TENM2: variants seen among roughly 807,000 people sequenced by gnomAD.
TENM2 encodes teneurin-2.
A neutral mutation model predicts 245.2 loss-of-function variants in TENM2; 52 were observed. That is an observed-to-expected ratio of 0.21 (90% CI 0.17 to 0.27). TENM2 has a LOEUF of 0.27. Among genes scored for constraint, TENM2 ranks in the 10% least tolerant of loss-of-function variants. The pLI is 1.00. For missense variants in TENM2, 3,046 were observed against 3,666.8 expected, an observed-to-expected ratio of 0.83 and a Z score of 4.37; for synonymous variants, 1,363 against 1,438.9, an observed-to-expected ratio of 0.95 and a Z score of 1.19.
rs116742800 is a variant in TENM2, at chr5:168,109,676, G to A, written c.1814-8616G>A. Reference sequence around the variant, plus strand: ...TCACGCCAGACGTTCTGAGTCAGAAGCTGCATTCTAACAGGGTCCCCAGAT... The same window carrying A: ...TCACGCCAGACGTTCTGAGTCAGAAACTGCATTCTAACAGGGTCCCCAGAT... On this transcript the variant is annotated intron_variant, in intron 9 of 28. Transcript: ENST00000518659. Among the ~76,000 whole-genome samples, 600 of 152,312 alleles carry A rather than the reference G, an allele frequency of 3.9e-3. 4 individuals carry two copies. The highest frequency in any genetic ancestry group is 0.013 in the African/African-American group (550 of 41,588).
the TENM2 span, among the ~76,000 whole-genome samples, chr5:167,155,477 GC>G: frequency 1.3e-5 from 2 of 152,130 alleles, no homozygotes; most frequent in Admixed American, 6.5e-5. Flanking sequence ...TTTTAAACTT[GC>G]CCCTGAACCC....
intron 2 of TENM2, among the ~76,000 whole-genome samples, chr5:167,834,754 A>G (rs1768827053): frequency 6.8e-6 from 1 of 147,710 alleles, no homozygotes; most frequent in East Asian, 2.0e-4. Context: ...GGTTCATGCC[A>G]TTCTCCTGCC....
chr5:167,783,263 C>T (rs1459499416), intron 2 of TENM2, among the ~76,000 whole-genome samples: 1 of 150,762 alleles, frequency 6.6e-6, no homozygotes, highest in Middle Eastern at 3.4e-3. Context: ...ACACCGGGTT[C>T]AGCCCACCTA....
At chr5:167,087,081 G>A in the TENM2 span, among the ~76,000 whole-genome samples, 1 of 152,078 alleles carries the variant, frequency 6.6e-6, no homozygotes, top group Non-Finnish European at 1.5e-5. Flanking sequence ...TGTTCAAGAT[G>A]ATATGGTGCA....
At chr5:168,044,165 C>T (rs942039168) in intron 5 of TENM2, among the ~76,000 whole-genome samples, 3 of 152,136 alleles carry the variant, frequency 2.0e-5, no homozygotes, top group Non-Finnish European at 4.4e-5. Context: ...CCTGTAATCC[C>T]AGCACTTTGG....
chr5:167,518,160 C>CAA (rs201319534), intron 2 of TENM2, among the ~76,000 whole-genome samples: 1,705 of 141,380 alleles, frequency 0.012, 36 homozygotes, highest in African/African-American at 0.041. Flanking sequence ...GACCCTGTCT[C>CAA]AAAAAAAAAA....
At chr5:167,404,272 AT>A (rs1464315707) in intron 2 of TENM2, among the ~76,000 whole-genome samples, 2 of 151,982 alleles carry the variant, frequency 1.3e-5, no homozygotes, top group Admixed American at 1.3e-4. Flanking sequence ...GGCCCGTGCA[AT>A]TGGGGAATTT....
intron 3 of TENM2, among the ~76,000 whole-genome samples, chr5:167,881,706 C>G (rs1583271957): frequency 6.6e-6 from 1 of 152,152 alleles, no homozygotes; most frequent in Non-Finnish European, 1.5e-5. Context: ...GTTCCAGCTG[C>G]CTCTCTTCTG....
At chr5:167,945,934 CCTT>C (rs941866126) in intron 3 of TENM2, among the ~76,000 whole-genome samples, 1 of 152,124 alleles carries the variant, frequency 6.6e-6, no homozygotes, top group Non-Finnish European at 1.5e-5. Context: ...CCTTCATCCC[CCTT>C]CTTGTTTCTC....
At chr5:167,864,913 A>C (rs1367281793) in intron 2 of TENM2, among the ~76,000 whole-genome samples, 2 of 152,206 alleles carry the variant, frequency 1.3e-5, no homozygotes, top group Non-Finnish European at 2.9e-5. Flanking sequence ...CAGGAACCGC[A>C]AGAAGTGAAC....
chr5:167,343,098 G>T (rs1010103996), intron 1 of TENM2, among the ~76,000 whole-genome samples: 2 of 152,062 alleles, frequency 1.3e-5, no homozygotes, highest in Non-Finnish European at 2.9e-5. Flanking sequence ...TTACTTTGTT[G>T]CTCAAGTTGT....
chr5:167,372,286 T>C (rs1347538760), intron 1 of TENM2, among the ~76,000 whole-genome samples: 2 of 152,200 alleles, frequency 1.3e-5, no homozygotes, highest in Non-Finnish European at 1.5e-5. Context: ...ACATTTGTGG[T>C]TACTTTTTAA....
chr5:168,194,791 CA>C lies in TENM2; in HGVS notation c.2781-379del, dbSNP rs1356924027. ...GAGTAACATGGCCATCCTCCAAAGCCAAAAAATGGAAATAAGTAGCCAGATG... is the reference window on the plus strand; with the variant it reads ...GAGTAACATGGCCATCCTCCAAAGCCAAAAATGGAAATAAGTAGCCAGATG... On this transcript the variant is annotated intron_variant, in intron 14 of 28. Transcript: ENST00000518659. Among the ~76,000 whole-genome samples, 4 of 151,984 alleles carry C rather than the reference CA, an allele frequency of 2.6e-5. No individual in the cohort carries two copies. The East Asian group carries it at 7.7e-4, about 29-fold the overall frequency.
intron 2 of TENM2, among the ~76,000 whole-genome samples, chr5:167,445,336 T>TAGGGAGAGAGAGAGAGAGAGAG (rs1554154175): frequency 1.3e-5 from 1 of 77,316 alleles, no homozygotes; most frequent in African/African-American, 5.6e-5. Flanking sequence ...TATATATATA[T>TAGGGAGAGAGAGAGAGAGAGAG]AGAGAGAGAG....
chr5:167,640,872 T>TATATATATATATATGG (rs1779536823), intron 2 of TENM2, among the ~76,000 whole-genome samples: 1 of 47,174 alleles, frequency 2.1e-5, no homozygotes, highest in Non-Finnish European at 3.4e-5. Context: ...TATATATATA[T>TATATATATATATATGG]ATATATATAT....
intron 7 of TENM2, among the ~76,000 whole-genome samples, chr5:168,083,128 T>G (rs1792146908): frequency 6.6e-6 from 1 of 152,198 alleles, no homozygotes; most frequent in South Asian, 2.1e-4. Context: ...CCACTTTGTT[T>G]ACCTGCTCAA....
chr5:167,589,059 G>T (rs1232151041), intron 2 of TENM2, among the ~76,000 whole-genome samples: 1 of 152,054 alleles, frequency 6.6e-6, no homozygotes. Context: ...AAAATTAGCT[G>T]GGTCTATTGG....
At chr5:167,590,199 T>G (rs945536213) in intron 2 of TENM2, among the ~76,000 whole-genome samples, 1 of 151,608 alleles carries the variant, frequency 6.6e-6, no homozygotes, top group Non-Finnish European at 1.5e-5. Context: ...CAAATAGTGT[T>G]TTTTGTTTTT....
intron 12 of TENM2, among the ~76,000 whole-genome samples, chr5:168,127,647 T>C (rs1276467966): frequency 1.3e-5 from 2 of 152,234 alleles, no homozygotes; most frequent in Non-Finnish European, 2.9e-5. Context: ...CTATACTGGA[T>C]TAAACGTACC....
Sources: gnomAD v4.1 joint callset for allele counts (sites outside exome capture counted in the v4.1 genomes callset) on GRCh38, gnomAD v4.1.1 for gene constraint, MANE v1.5 for transcripts, NCBI Gene and HGNC (gene_info 2026-07-23, HGNC 2026-07-21) for gene names.